SLC5A4: variants seen among roughly 807,000 people sequenced by gnomAD.
SLC5A4 encodes the protein probable glucose sensor protein SLC5A4.
A neutral mutation model predicts 70.3 loss-of-function variants in SLC5A4; 55 were observed. The ratio of observed to expected loss-of-function variants is 0.78; its 90% CI spans 0.63 to 0.98. The LOEUF is 0.98. Ranked by LOEUF, SLC5A4 falls within the 50% of genes least tolerant of loss-of-function variation. The pLI is 0.00. For missense variants in SLC5A4, 735 were observed against 839.2 expected (o/e 0.88, Z 1.53); for synonymous variants, 268 against 305.7 (o/e 0.88, Z 1.29).
At chr22:32,331,017 GT>G in the SLC5A4 span, among the ~76,000 whole-genome samples, 1 of 19,390 alleles carries the variant, frequency 5.2e-5, no homozygotes, top group Non-Finnish European at 9.8e-5. Flanking sequence ...GGGGGCTCTG[GT>G]GTGTGTGTGT....
At chr22:32,273,536 A>T in the SLC5A4 span, 1 of 156,670 alleles carries the variant, frequency 6.4e-6, no homozygotes, top group Middle Eastern at 3.3e-3. Flanking sequence ...CCATCCCTAA[A>T]TGCTCTAGTA....
chr22:32,352,593 G>A, the SLC5A4 span, among the ~76,000 whole-genome samples: 1 of 152,120 alleles, frequency 6.6e-6, no homozygotes, highest in Non-Finnish European at 1.5e-5. Context: ...TCCCCTGGCT[G>A]CACCTCCACC....
rs141602574 is a variant in SLC5A4 at position 32,229,919 on chromosome 22, A to G, written c.1130-575T>C. Among the ~76,000 whole-genome samples, 1,490 of 152,354 alleles carry G rather than the reference A, an allele frequency of 9.8e-3. 37 individuals are homozygous for G. The highest frequency in any genetic ancestry group is 0.034 in the African/African-American group (1,418 of 41,582). Reference sequence around the variant, plus strand: ...GGAACCTAGTTTTAGAAGAGAGGAAACAACATCACACCATCTTTCTTTGGG... The same window carrying G: ...GGAACCTAGTTTTAGAAGAGAGGAAGCAACATCACACCATCTTTCTTTGGG... On this transcript the variant is annotated intron_variant, in intron 10 of 14. Transcript: ENST00000266086.
At chr22:32,343,506 T>TGGCATCACAGAGTTG in the SLC5A4 span, among the ~76,000 whole-genome samples, 1 of 152,232 alleles carries the variant, frequency 6.6e-6, no homozygotes, top group Non-Finnish European at 1.5e-5. Context: ...GGGTTGCTGA[T>TGGCATCACAGAGTTG]GGCATCACAG....
chr22:32,305,964 G>A, the SLC5A4 span, among the ~76,000 whole-genome samples: 2 of 151,934 alleles, frequency 1.3e-5, no homozygotes, highest in Non-Finnish European at 2.9e-5. Context: ...GGCATTGAGT[G>A]TGCAGGATGG....
At chr22:32,252,789 C>T (rs544766786) in intron 2 of SLC5A4, among the ~76,000 whole-genome samples, 9 of 152,140 alleles carry the variant, frequency 5.9e-5, no homozygotes, top group Non-Finnish European at 1.0e-4. Flanking sequence ...CTCCCAGCCA[C>T]AGGACACTCT....
rs1569374757 is a variant in SLC5A4, at chr22:32,239,543, TATATATATATA to T, written c.478-464_478-454del. Among the ~76,000 whole-genome samples, 22 of 11,846 alleles carry T rather than the reference TATATATATATA, an allele frequency of 1.9e-3. 3 individuals carry two copies. The East Asian group carries it at 0.022, about 12-fold the overall frequency. 7.8% of individuals were successfully genotyped at this position (11,846 alleles called of 152,430 possible). A position where few individuals can be genotyped will look rare whatever the true frequency, so the allele number is the denominator to read the frequency against. Reference sequence around the variant, plus strand: ...TTATATATATATATATATATATATATATATATATATATATATATATATATATTTATATATAT... The same window carrying T: ...TTATATATATATATATATATATATATTATATATATATATATTTATATATAT... On this transcript the variant is annotated intron_variant, in intron 5 of 14. Transcript: ENST00000266086.
chr22:32,325,907 G>A, the SLC5A4 span, among the ~76,000 whole-genome samples: 1 of 152,100 alleles, frequency 6.6e-6, no homozygotes, highest in African/African-American at 2.4e-5. Flanking sequence ...CAGTGGCCTG[G>A]GCAGGCTGGG....
chr22:32,308,469 G>T, the SLC5A4 span, among the ~76,000 whole-genome samples: 2 of 152,234 alleles, frequency 1.3e-5, no homozygotes, highest in Admixed American at 6.5e-5. Flanking sequence ...GGGGGAGTCA[G>T]TGTCAGGCTC....
At chr22:32,239,968 G>T (rs1244618491) in intron 5 of SLC5A4, among the ~76,000 whole-genome samples, 1 of 141,104 alleles carries the variant, frequency 7.1e-6, no homozygotes, top group African/African-American at 2.7e-5. Flanking sequence ...AGCTTGCAGT[G>T]AGCAGAGATG....
the SLC5A4 span, among the ~76,000 whole-genome samples, chr22:32,291,600 G>A: frequency 2.0e-5 from 3 of 152,094 alleles, no homozygotes; most frequent in Non-Finnish European, 4.4e-5. Context: ...AACATGGTAC[G>A]TCTCTTCATT....
At chr22:32,222,350 T>C (rs1273287835) in intron 13 of SLC5A4, among the ~76,000 whole-genome samples, 4 of 152,210 alleles carry the variant, frequency 2.6e-5, no homozygotes, top group African/African-American at 9.6e-5. Context: ...GCTGAAAGAC[T>C]ATCATCCTGG....
the SLC5A4 span, among the ~76,000 whole-genome samples, chr22:32,307,408 CTGAG>C: frequency 6.6e-6 from 1 of 152,146 alleles, no homozygotes; most frequent in South Asian, 2.1e-4. Context: ...TTTTGTGAAT[CTGAG>C]TGTGTCCGTT....
rs373989088 is a variant in SLC5A4 at position 32,233,756 on chromosome 22, G to A, written c.886-722C>T. 8.6e-5 allele frequency among the ~76,000 whole-genome samples: 13 copies of A among 151,934 alleles called. No homozygotes were observed. In the East Asian group the frequency reaches 9.7e-4, roughly 11 times the overall value. Reference sequence around the variant, plus strand: ...ACAGAAGGATTGCTGGAGTCCAGGAGTTTGAGACCAGCTTAGGCAACATAG... The same window carrying A: ...ACAGAAGGATTGCTGGAGTCCAGGAATTTGAGACCAGCTTAGGCAACATAG... On this transcript the variant is annotated intron_variant, in intron 8 of 14. Transcript: ENST00000266086.
chr22:32,330,206 G>GTGTA, the SLC5A4 span, among the ~76,000 whole-genome samples: 1 of 134,008 alleles, frequency 7.5e-6, no homozygotes, highest in Non-Finnish European at 1.6e-5. Flanking sequence ...GTTGGGCCCT[G>GTGTA]TGTGTATTGC....
intron 5 of SLC5A4, among the ~76,000 whole-genome samples, chr22:32,246,337 T>C (rs1396002809): frequency 6.6e-6 from 1 of 152,158 alleles, no homozygotes; most frequent in African/African-American, 2.4e-5. Context: ...AGAGGAGCAA[T>C]AGGAAAGGTC....
chr22:32,287,283 A>G, the SLC5A4 span, among the ~76,000 whole-genome samples: 192 of 152,250 alleles, frequency 1.3e-3, no homozygotes, highest in African/African-American at 4.3e-3. Context: ...CGTCCATTTC[A>G]GATGTGGCCA....
the SLC5A4 span, chr22:32,272,489 G>C: frequency 4.2e-6 from 3 of 721,480 alleles, no homozygotes; most frequent in Admixed American, 2.0e-5. Context: ...CTCATGAAGA[G>C]CATCTGGCTG....
chr22:32,265,755 G>A, the SLC5A4 span, among the ~76,000 whole-genome samples: 4 of 151,914 alleles, frequency 2.6e-5, no homozygotes, highest in African/African-American at 9.7e-5. Context: ...AACGAGAAAC[G>A]CTTGAACCGG....
Sources: gnomAD v4.1 joint callset for allele counts (sites outside exome capture counted in the v4.1 genomes callset) on GRCh38, gnomAD v4.1.1 for gene constraint, MANE v1.5 for transcripts, NCBI Gene and HGNC (gene_info 2026-07-23, HGNC 2026-07-21) for gene names.